ARHGAP40: variants seen among roughly 807,000 people sequenced by gnomAD.
ARHGAP40 encodes the protein Rho GTPase activating protein 40.
Under a neutral mutation model 73.5 loss-of-function variants are expected in ARHGAP40, and 43 were observed. The observed-to-expected ratio is 0.58, with a 90% CI of 0.46 to 0.75. The LOEUF is 0.75. ARHGAP40 is among the 30% of genes least tolerant of loss of function. The probability of loss-of-function intolerance (pLI) is 0.00; values close to 1 mark genes in which losing one functional copy is unlikely to be tolerated. For missense variants in ARHGAP40, 734 were observed against 861.8 expected, an observed-to-expected ratio of 0.85 and a Z score of 1.86; for synonymous variants, 300 against 352.8, an observed-to-expected ratio of 0.85 and a Z score of 1.68.
intron 6 of ARHGAP40, among the ~76,000 whole-genome samples, chr20:38,637,099 T>C (rs1443719300): frequency 6.6e-6 from 1 of 152,092 alleles, no homozygotes; most frequent in Non-Finnish European, 1.5e-5. Flanking sequence ...GTTACATTTT[T>C]ATACCTGGTG....
At chr20:38,637,903 T>C in intron 7 of ARHGAP40, 104 bp downstream of exon 7, 4 of 951,516 alleles carry the variant, frequency 4.2e-6, no homozygotes, top group Non-Finnish European at 5.6e-6. Flanking sequence ...GGATGTGCTT[T>C]AGAATCAGGC....
At chr20:38,641,496 C>A (rs991681705) in intron 9 of ARHGAP40, among the ~76,000 whole-genome samples, 3 of 152,156 alleles carry the variant, frequency 2.0e-5, no homozygotes, top group Non-Finnish European at 4.4e-5. Flanking sequence ...CACATGCATG[C>A]GTGTGTTTAT....
At chr20:38,633,432 A>G (rs1346894313) in intron 5 of ARHGAP40, among the ~76,000 whole-genome samples, 1 of 152,222 alleles carries the variant, frequency 6.6e-6, no homozygotes, top group Non-Finnish European at 1.5e-5. Flanking sequence ...GTAAGTATTG[A>G]GTACTCACTA....
At position 38,618,355 on chromosome 20, in the gene ARHGAP40, C is replaced by T. The variant is rs185315045; in HGVS notation, c.138-5004C>T. Among the ~76,000 whole-genome samples the T allele has an allele frequency of 6.6e-5, 10 of 152,324 alleles. No homozygotes were observed. The East Asian group carries it at 1.9e-3, about 29-fold the overall frequency. On this transcript the variant is annotated intron_variant, in intron 1 of 14. Transcript: ENST00000373345. ...AACTCCTGACCTTGTGATTCACCCA[C>T]CTCAGCCTCCCAAAGTGCTGGGATT...
chr20:38,646,176 G>A lies in ARHGAP40; in HGVS notation c.1699G>A (p.Gly567Ser). The change falls in exon 12 of 15, where the codon GGC becomes AGC. Residue 567 changes from glycine to serine, a missense_variant. By Grantham distance (56) the Gly-to-Ser change is moderately conservative (BLOSUM62 0). Transcript: ENST00000373345. The surrounding 1 kb of genome is among the most constrained non-coding windows in gnomAD (Gnocchi z 4.5). ...CGCAGACAGGGACAAGGCGGGGGAC[G>A]GCCTCGAGGCGGTGAGTGCCCCCGA... The A allele has an allele frequency of 7.7e-7, 1 of 1,301,690 alleles. No individual in the cohort carries two copies. Among genetic ancestry groups the A allele is most frequent in the Non-Finnish European group, 1.0e-6 (1 of 987,280 alleles). The allele number at this position is 1,301,690 out of a possible 1,614,324, so 80.6% of individuals were successfully genotyped here. A position where few individuals can be genotyped will look rare whatever the true frequency, so the allele number is the denominator to read the frequency against.
chr20:38,642,966 C>A (rs547833354), intron 10 of ARHGAP40, among the ~76,000 whole-genome samples: 48 of 152,144 alleles, frequency 3.2e-4, no homozygotes, highest in Non-Finnish European at 6.3e-4. Context: ...TATGGTGAAA[C>A]CCCGTCTGTA....
intron 1 of ARHGAP40, among the ~76,000 whole-genome samples, chr20:38,608,028 G>C (rs2088782193): frequency 6.6e-6 from 1 of 151,758 alleles, no homozygotes; most frequent in Non-Finnish European, 1.5e-5. Context: ...TCTCAGTTGA[G>C]GAAAAAGGTC....
intron 1 of ARHGAP40, among the ~76,000 whole-genome samples, chr20:38,616,099 G>A (rs2088836285): frequency 6.6e-6 from 1 of 152,210 alleles, no homozygotes; most frequent in African/African-American, 2.4e-5. Flanking sequence ...CAGGCACATT[G>A]CATACCTGGG....
chr20:38,607,305 G>A (rs2088776666), intron 1 of ARHGAP40, among the ~76,000 whole-genome samples: 1 of 152,286 alleles, frequency 6.6e-6, no homozygotes, highest in South Asian at 2.1e-4. Context: ...TGGAATCAGT[G>A]CCATTCAGAT....
At chr20:38,629,784 AC>A in intron 5 of ARHGAP40, 134 bp downstream of exon 5, 4 of 1,020,650 alleles carry the variant, frequency 3.9e-6, no homozygotes, top group Non-Finnish European at 5.1e-6. Context: ...TTTAATTCGT[AC>A]CACAAATATT....
chr20:38,649,776 A>G (rs771808519), exon 15 of ARHGAP40: 8 of 1,305,064 alleles, frequency 6.1e-6, no homozygotes, highest in Non-Finnish European at 8.1e-6. Flanking sequence ...GCCTGGACCC[A>G]GATGCCTACC....
At chr20:38,613,082 A>T (rs2088813015) in intron 1 of ARHGAP40, among the ~76,000 whole-genome samples, 1 of 152,218 alleles carries the variant, frequency 6.6e-6, no homozygotes, top group Non-Finnish European at 1.5e-5. Context: ...TTCCCAAGGG[A>T]AATTGGAAAT....
At chr20:38,632,286 G>A (rs1454802192) in intron 5 of ARHGAP40, among the ~76,000 whole-genome samples, 33 of 132,826 alleles carry the variant, frequency 2.5e-4, no homozygotes, top group South Asian at 1.9e-3. Context: ...TTTTTGAGAC[G>A]GAGTCTCGCT....
At chr20:38,604,745 AT>A (rs1278494884) in intron 1 of ARHGAP40, among the ~76,000 whole-genome samples, 8 of 152,146 alleles carry the variant, frequency 5.3e-5, no homozygotes, top group African/African-American at 1.9e-4. Flanking sequence ...TTTGAATTTA[AT>A]TTTTATTATA....
intron 1 of ARHGAP40, among the ~76,000 whole-genome samples, chr20:38,604,950 A>AG (rs2088762657): frequency 6.6e-6 from 1 of 151,976 alleles, no homozygotes; most frequent in Non-Finnish European, 1.5e-5. Flanking sequence ...AGAAAAAAAA[A>AG]AAAGCGAAAA....
chr20:38,615,088 G>A (rs1569008629), intron 1 of ARHGAP40: 8 of 919,374 alleles, frequency 8.7e-6, no homozygotes. Flanking sequence ...GACACTCGGA[G>A]TTTGGCTATA....
chr20:38,617,811 GCAA>G (rs370741682), intron 1 of ARHGAP40, among the ~76,000 whole-genome samples: 260 of 152,330 alleles, frequency 1.7e-3, no homozygotes, highest in African/African-American at 5.5e-3. Flanking sequence ...GAGTCCAGAA[GCAA>G]CATATATTGA....
intron 6 of ARHGAP40, among the ~76,000 whole-genome samples, chr20:38,636,603 G>A (rs1309284125): frequency 1.3e-5 from 2 of 152,018 alleles, no homozygotes; most frequent in Non-Finnish European, 2.9e-5. Flanking sequence ...TCCTCCTCGT[G>A]GATGTATTCT....
At chr20:38,641,690 C>T in intron 9 of ARHGAP40, 36 bp from the exon 10 acceptor site, 1 of 1,264,396 alleles carries the variant, frequency 7.9e-7, no homozygotes, top group Non-Finnish European at 1.0e-6. Flanking sequence ...AGTCCCTGAG[C>T]CTCCCATGGA....
Sources: allele counts gnomAD v4.1 joint callset (sites outside exome capture counted in the v4.1 genomes callset), GRCh38; gene constraint gnomAD v4.1.1; non-coding constraint Gnocchi (gnomAD v3.1); transcripts MANE v1.5; gene names NCBI Gene and HGNC (gene_info 2026-07-23, HGNC 2026-07-21).